Variants in PCDHA13 observed in about 807,000 individuals in gnomAD.
The protein encoded by PCDHA13 is protocadherin alpha-13.
In PCDHA13, 54 loss-of-function variants were observed where a neutral mutation model predicts 64.8. That is an observed-to-expected ratio of 0.83 (90% CI 0.67 to 1.04). The LOEUF (loss-of-function observed/expected upper bound fraction) is 1.04. Among genes scored for constraint, PCDHA13 ranks in the 50% least tolerant of loss-of-function variants. The pLI is 0.00. For missense variants in PCDHA13, 1,248 were observed against 1,254.3 expected (o/e 0.99, Z 0.08); for synonymous variants, 587 against 564.4 (o/e 1.04, Z -0.57).
chr5:140,905,957 G>A (rs993962295), intron 1 of PCDHA13, among the ~76,000 whole-genome samples: 1 of 152,200 alleles, frequency 6.6e-6, no homozygotes, highest in South Asian at 2.1e-4. Context: ...CGATGTTCAA[G>A]GGGAGGAAGA....
intron 1 of PCDHA13, among the ~76,000 whole-genome samples, chr5:140,888,588 C>G (rs1419931317): frequency 6.6e-6 from 1 of 152,212 alleles, no homozygotes; most frequent in Non-Finnish European, 1.5e-5. Flanking sequence ...TGTTAGTACA[C>G]ATTCAGAGCA....
chr5:140,923,242 C>T (rs1302368115), intron 1 of PCDHA13, among the ~76,000 whole-genome samples: 1 of 151,762 alleles, frequency 6.6e-6, no homozygotes, highest in Non-Finnish European at 1.5e-5. Flanking sequence ...AAGTTTGAGA[C>T]CAGCTGGGCA....
At chr5:140,948,727 T>C (rs2094298087) in intron 1 of PCDHA13, among the ~76,000 whole-genome samples, 2 of 151,670 alleles carry the variant, frequency 1.3e-5, no homozygotes, top group Admixed American at 1.3e-4. Flanking sequence ...TATCAATAAG[T>C]CTAGCTGAGA....
At chr5:140,985,739 CTTTTTTTTTT>C (rs11372071) in intron 3 of PCDHA13, among the ~76,000 whole-genome samples, 1 of 117,922 alleles carries the variant, frequency 8.5e-6, no homozygotes, top group African/African-American at 3.2e-5. Context: ...TGATGAATTC[CTTTTTTTTTT>C]TTTTTTTTTT....
intron 1 of PCDHA13, chr5:140,927,853 G>A: frequency 6.2e-7 from 1 of 1,614,214 alleles, no homozygotes. Flanking sequence ...CTTTGGTTTA[G>A]CTAGCACCGC....
At chr5:140,906,609 T>C (rs376857630) in intron 1 of PCDHA13, among the ~76,000 whole-genome samples, 2 of 152,348 alleles carry the variant, frequency 1.3e-5, no homozygotes, top group East Asian at 3.9e-4. Flanking sequence ...TCATTCTGTA[T>C]TCCCTTTGCC....
At chr5:140,910,154 G>A (rs575042155) in intron 1 of PCDHA13, among the ~76,000 whole-genome samples, 234 of 152,310 alleles carry the variant, frequency 1.5e-3, no homozygotes, top group African/African-American at 4.9e-3. Flanking sequence ...ATTGATTGAG[G>A]GGAAATTGAT....
At position 141,010,158 on chromosome 5, in the gene PCDHA13, GT is replaced by G. The variant is rs1563735803; in HGVS notation, c.*225del. 1.3e-6 allele frequency: 2 copies of G among 1,570,690 alleles called. No homozygotes were observed. The highest frequency in any genetic ancestry group is 1.7e-6 in the Non-Finnish European group (2 of 1,156,884). ...TAACTCTTTCTCTCCACTCTGGCTT[GT>G]TTTCAGAACCTAAAAAGCAGACCCA... On this transcript the variant is annotated 3_prime_UTR_variant, in exon 4 of 4. Coordinates refer to ENST00000289272, the MANE Select transcript of PCDHA13 (RefSeq NM_018904.3).
At chr5:140,902,860 G>C (rs1360454438) in intron 1 of PCDHA13, among the ~76,000 whole-genome samples, 1 of 152,130 alleles carries the variant, frequency 6.6e-6, no homozygotes, top group Non-Finnish European at 1.5e-5. Context: ...ATGGCGTCCA[G>C]GTCCACCCAA....
intron 1 of PCDHA13, chr5:140,969,203 G>T (rs781962982): frequency 8.1e-6 from 13 of 1,614,178 alleles, no homozygotes; most frequent in Non-Finnish European, 1.1e-5. Flanking sequence ...CAATACAGGG[G>T]CCCAGACAGG....
At chr5:140,962,673 C>T (rs1409804701) in intron 1 of PCDHA13, among the ~76,000 whole-genome samples, 2 of 152,164 alleles carry the variant, frequency 1.3e-5, no homozygotes, top group African/African-American at 4.8e-5. Flanking sequence ...TTCCCATCCA[C>T]TGGATGTTTT....
intron 1 of PCDHA13, among the ~76,000 whole-genome samples, chr5:140,959,938 G>T (rs937975013): frequency 6.6e-6 from 1 of 152,130 alleles, no homozygotes; most frequent in Non-Finnish European, 1.5e-5. Flanking sequence ...CATTACTTAG[G>T]CAGAATATCA....
chr5:140,989,788 G>A (rs2097360346), intron 3 of PCDHA13, among the ~76,000 whole-genome samples: 2 of 152,158 alleles, frequency 1.3e-5, no homozygotes, highest in Admixed American at 1.3e-4. Context: ...GAGACTAGAG[G>A]CCCCCAGGAA....
At chr5:140,935,178 G>C (rs2090229039) in intron 1 of PCDHA13, among the ~76,000 whole-genome samples, 2 of 152,146 alleles carry the variant, frequency 1.3e-5, no homozygotes, top group African/African-American at 4.8e-5. Context: ...GCTTATTGCT[G>C]CTGGGTCAGT....
At chr5:140,929,459 G>A in intron 1 of PCDHA13, 1 of 1,350,080 alleles carries the variant, frequency 7.4e-7, no homozygotes. Flanking sequence ...CACTTCCTGT[G>A]CCAAGAAATC....
At chr5:140,982,683 T>C in intron 3 of PCDHA13, 120 bp downstream of exon 3, 2 of 1,424,800 alleles carry the variant, frequency 1.4e-6, no homozygotes, top group Non-Finnish European at 1.8e-6. Context: ...TATTCCCTTT[T>C]TTCCATACAT....
intron 1 of PCDHA13, among the ~76,000 whole-genome samples, chr5:140,885,376 G>T (rs1242393742): frequency 6.6e-6 from 1 of 152,032 alleles, no homozygotes; most frequent in Non-Finnish European, 1.5e-5. Context: ...AGTACCTTTT[G>T]GCAGTCCCTG....
intron 1 of PCDHA13, among the ~76,000 whole-genome samples, chr5:140,920,082 C>T (rs567545861): frequency 2.0e-5 from 3 of 152,248 alleles, no homozygotes; most frequent in East Asian, 1.9e-4. Context: ...ACAGATTCTC[C>T]GTAGAGCCTC....
intron 3 of PCDHA13, among the ~76,000 whole-genome samples, chr5:141,001,011 A>G (rs912284389): frequency 3.9e-5 from 6 of 152,206 alleles, no homozygotes; most frequent in African/African-American, 1.4e-4. Context: ...ATGTATTTAG[A>G]TATACACTTA....
Sources: allele counts gnomAD v4.1 joint callset (sites outside exome capture counted in the v4.1 genomes callset), GRCh38; gene constraint gnomAD v4.1.1; transcripts MANE v1.5; gene names NCBI Gene and HGNC (gene_info 2026-07-23, HGNC 2026-07-21).